LYSMD2: variants seen among roughly 807,000 people sequenced by gnomAD.
The protein encoded by LYSMD2 is lysM and putative peptidoglycan-binding domain-containing protein 2.
A neutral mutation model predicts 17.7 loss-of-function variants in LYSMD2; 6 were observed. The observed-to-expected ratio is 0.34, with a 90% CI of 0.19 to 0.67. LYSMD2 has a LOEUF of 0.67. Among genes scored for constraint, LYSMD2 ranks in the 30% least tolerant of loss-of-function variants. The probability of loss-of-function intolerance (pLI) is 0.69; values close to 1 mark genes in which losing one functional copy is unlikely to be tolerated. For synonymous variants in LYSMD2, 102 were observed against 129.8 expected (o/e 0.79, Z 1.45); for missense variants, 237 against 286.7 (o/e 0.83, Z 1.25).
chr15:51,739,797 T>C (rs1385800332), upstream of LYSMD2, among the ~76,000 whole-genome samples: 1 of 152,082 alleles, frequency 6.6e-6, no homozygotes, highest in East Asian at 1.9e-4. Flanking sequence ...GCATGTGGCC[T>C]ACTCCTGTAG....
At chr15:51,744,864 C>G (rs112196039) in intron 1 of LYSMD2, among the ~76,000 whole-genome samples, 1 of 151,994 alleles carries the variant, frequency 6.6e-6, no homozygotes, top group East Asian at 1.9e-4. Flanking sequence ...AATTGACAAA[C>G]CTTTACCTAG....
chr15:51,749,010 C>T (rs1247697630), intron 1 of LYSMD2, among the ~76,000 whole-genome samples: 1 of 152,208 alleles, frequency 6.6e-6, no homozygotes, highest in East Asian at 1.9e-4. Context: ...GTCAATATAT[C>T]AGCTTCCTCA....
intron 1 of LYSMD2, among the ~76,000 whole-genome samples, chr15:51,735,784 C>T (rs1008987227): frequency 5.9e-5 from 9 of 152,208 alleles, no homozygotes; most frequent in African/African-American, 2.2e-4. Context: ...TCAAGTGAAA[C>T]CACAGACGGC....
chr15:51,737,059 G>C lies in LYSMD2; in HGVS notation c.273+291C>G, dbSNP rs2055613905. On this transcript the variant is annotated intron_variant, in intron 1 of 2. Transcript: ENST00000267838. This position sits in a 1 kb window ranked among gnomAD's most constrained non-coding sequence, Gnocchi z 4.2. ...CGGCCTCCCTCACGCGACAGATCTA[G>C]TCTGAGCCTGGGCGGGGCACCGGGA... Among the ~76,000 whole-genome samples the C allele has an allele frequency of 6.6e-6, 1 of 152,236 alleles. No individual in the cohort carries two copies.
chr15:51,743,780 T>G (rs1280751198), intron 1 of LYSMD2, among the ~76,000 whole-genome samples: 1 of 152,224 alleles, frequency 6.6e-6, no homozygotes, highest in African/African-American at 2.4e-5. Context: ...ATTCATATCT[T>G]CTTTTATTTC....
chr15:51,746,745 C>A (rs1026222922), intron 1 of LYSMD2, among the ~76,000 whole-genome samples: 2 of 152,116 alleles, frequency 1.3e-5, no homozygotes, highest in Admixed American at 1.3e-4. Context: ...CACCACTCTA[C>A]CCCGTCTCCC....
chr15:51,724,611 A>G (rs72730956), intron 2 of LYSMD2, among the ~76,000 whole-genome samples, 179 bp downstream of exon 2: 8,477 of 147,994 alleles, frequency 0.057, 334 homozygotes, highest in Admixed American at 0.082. Flanking sequence ...AGAAAGAAAG[A>G]AAGAAATTAA....
chr15:51,743,125 T>C (rs796559938), intron 1 of LYSMD2, among the ~76,000 whole-genome samples: 18 of 152,340 alleles, frequency 1.2e-4, no homozygotes, highest in African/African-American at 4.3e-4. Flanking sequence ...TTACATTTAC[T>C]TCTGTGATCA....
chr15:51,729,426 A>G (rs1207347637), intron 1 of LYSMD2, among the ~76,000 whole-genome samples: 1 of 152,166 alleles, frequency 6.6e-6, no homozygotes, highest in Admixed American at 6.5e-5. Context: ...TGGTGAAACG[A>G]TGTTTTCTTT....
intron 1 of LYSMD2, chr15:51,751,202 C>CA: frequency 2.9e-6 from 2 of 697,042 alleles, no homozygotes; most frequent in South Asian, 3.0e-5. Context: ...CCTAGGCTGC[C>CA]AACCCAACTA....
intron 1 of LYSMD2, among the ~76,000 whole-genome samples, chr15:51,745,098 A>C (rs1300913982): frequency 6.6e-6 from 1 of 152,178 alleles, no homozygotes; most frequent in South Asian, 2.1e-4. Flanking sequence ...ACATAGGACA[A>C]GCAAACACTG....
At chr15:51,735,045 G>A (rs2055599835) in intron 1 of LYSMD2, among the ~76,000 whole-genome samples, 1 of 152,040 alleles carries the variant, frequency 6.6e-6, no homozygotes, top group Non-Finnish European at 1.5e-5. Flanking sequence ...CATGTGGCTT[G>A]AGCCTGTAGT....
At position 51,724,033 on chromosome 15, in the gene LYSMD2, TA is replaced by T. The variant is rs2055520203; in HGVS notation, c.606-385del. Among the ~76,000 whole-genome samples the T allele has an allele frequency of 2.0e-5, 3 of 151,738 alleles. No individual in the cohort carries two copies. The South Asian group carries it at 6.2e-4, about 31-fold the overall frequency. Reference sequence around the variant, plus strand: ...TACAATAAGATTAATAAAATAGAAATAAAAAAATCAGGACTAAGGAAAGGAG... The same window carrying T: ...TACAATAAGATTAATAAAATAGAAATAAAAAATCAGGACTAAGGAAAGGAG... On this transcript the variant is annotated intron_variant, in intron 2 of 2. Transcript: ENST00000267838.
chr15:51,738,307 A>AC (rs538712441), upstream of LYSMD2, among the ~76,000 whole-genome samples: 3 of 150,860 alleles, frequency 2.0e-5, no homozygotes, highest in Admixed American at 6.6e-5. Flanking sequence ...CCTCAAAATA[A>AC]CCCCCCTAGT....
chr15:51,739,346 A>T (rs917655919), upstream of LYSMD2, among the ~76,000 whole-genome samples: 20 of 152,294 alleles, frequency 1.3e-4, 1 homozygote, highest in African/African-American at 4.6e-4. Flanking sequence ...GAATAAAAAA[A>T]AAAATAAATA....
chr15:51,723,082 T>A lies in LYSMD2; in HGVS notation c.*525A>T, dbSNP rs2055512766. Reference sequence around the variant, plus strand: ...AGGAGACTCAAGTTTGAAAACATAGTTTATTTTCTCATTCAGGCTTTTGTA... The same window carrying A: ...AGGAGACTCAAGTTTGAAAACATAGATTATTTTCTCATTCAGGCTTTTGTA... On this transcript the variant is annotated 3_prime_UTR_variant, in exon 3 of 3. Coordinates refer to ENST00000267838, the MANE Select transcript of LYSMD2 (RefSeq NM_153374.3). The A allele has an allele frequency of 6.6e-6, 1 of 151,922 alleles. No individual in the cohort carries two copies. The highest frequency in any genetic ancestry group is 6.6e-5 in the Admixed American group (1 of 15,258). The allele number at this position is 151,922 out of a possible 1,614,324, so 9.4% of individuals were successfully genotyped here.
intron 1 of LYSMD2, among the ~76,000 whole-genome samples, chr15:51,744,542 T>C (rs909932501): frequency 6.6e-6 from 1 of 152,150 alleles, no homozygotes; most frequent in Non-Finnish European, 1.5e-5. Context: ...TTGGATTCAA[T>C]TTTTTAATAT....
intron 1 of LYSMD2, among the ~76,000 whole-genome samples, chr15:51,746,578 T>C (rs1482486241): frequency 6.6e-6 from 1 of 152,202 alleles, no homozygotes; most frequent in Non-Finnish European, 1.5e-5. Context: ...ACCATTGAAC[T>C]GTGCATTTTA....
chr15:51,734,543 G>A (rs977154011), intron 1 of LYSMD2, among the ~76,000 whole-genome samples: 1 of 152,122 alleles, frequency 6.6e-6, no homozygotes, highest in African/African-American at 2.4e-5. Context: ...CTGAAGTCCT[G>A]CCTGACACCC....
Sources: gnomAD v4.1 joint callset for allele counts (sites outside exome capture counted in the v4.1 genomes callset) on GRCh38, gnomAD v4.1.1 for gene constraint, Gnocchi (gnomAD v3.1) non-coding constraint, MANE v1.5 for transcripts, NCBI Gene and HGNC (gene_info 2026-07-23, HGNC 2026-07-21) for gene names.